Variants in FRMD4B observed in about 807,000 individuals in gnomAD.
FRMD4B encodes the protein FERM domain containing 4B.
In FRMD4B, 74 loss-of-function variants were observed where a neutral mutation model predicts 141.5. That is an observed-to-expected ratio of 0.52 (90% confidence interval 0.43 to 0.63). The LOEUF (loss-of-function observed/expected upper bound fraction) is 0.63. Ranked by LOEUF, FRMD4B falls within the 30% of genes least tolerant of loss-of-function variation. The pLI is 0.00. For synonymous variants in FRMD4B, 506 were observed against 467.9 expected (o/e 1.08, Z -1.05); for missense variants, 1,366 against 1,253.4 (o/e 1.09, Z -1.36).
intron 22 of FRMD4B, among the ~76,000 whole-genome samples, chr3:69,173,592 G>C (rs1173763236): frequency 6.6e-6 from 1 of 152,102 alleles, no homozygotes. Flanking sequence ...ATGAATGATT[G>C]TTATTATCCT....
intron 2 of FRMD4B, among the ~76,000 whole-genome samples, chr3:69,415,694 A>G (rs1367848830): frequency 1.3e-5 from 2 of 152,144 alleles, no homozygotes; most frequent in African/African-American, 2.4e-5. Context: ...ATTTTCTTTG[A>G]CTTACTTTAG....
At chr3:69,200,055 T>G (rs1317717472) in intron 11 of FRMD4B, among the ~76,000 whole-genome samples, 3 of 152,218 alleles carry the variant, frequency 2.0e-5, no homozygotes, top group African/African-American at 4.8e-5. Context: ...TCTTAAAAGA[T>G]TATTTTTAAT....
chr3:69,259,682 T>A (rs899637270), intron 5 of FRMD4B, among the ~76,000 whole-genome samples: 14 of 152,270 alleles, frequency 9.2e-5, no homozygotes, highest in African/African-American at 3.1e-4. Flanking sequence ...TAATTTTCCA[T>A]ATGAATCTTT....
Position 69,355,524 on chromosome 3 carries a change from T to C in FRMD4B, c.162+30304A>G, listed in dbSNP as rs115106295. 4.5e-3 allele frequency among the ~76,000 whole-genome samples: 690 copies of C among 152,286 alleles called. 7 individuals are homozygous for C. Among genetic ancestry groups the C allele is most frequent in the African/African-American group, 0.016 (648 of 41,558 alleles). On this transcript the variant is annotated intron_variant, in intron 1 of 22. Coordinates refer to ENST00000398540, the MANE Select transcript of FRMD4B (RefSeq NM_015123.3). Reference sequence around the variant, plus strand: ...AACTAGTGGGACATTTCTGATTGTATGGTAAAAATGTTTTCACTGTTGAAG... The same window carrying C: ...AACTAGTGGGACATTTCTGATTGTACGGTAAAAATGTTTTCACTGTTGAAG...
intron 2 of FRMD4B, among the ~76,000 whole-genome samples, chr3:69,408,480 A>G (rs947635345): frequency 1.3e-5 from 2 of 152,220 alleles, no homozygotes; most frequent in Non-Finnish European, 2.9e-5. Context: ...TCTCCACAGA[A>G]CACTTAATCC....
intron 1 of FRMD4B, among the ~76,000 whole-genome samples, chr3:69,339,456 T>C (rs542304216): frequency 6.6e-6 from 1 of 152,244 alleles, no homozygotes; most frequent in East Asian, 1.9e-4. Context: ...AATGACAGTA[T>C]CTGCCCCACA....
intron 1 of FRMD4B, among the ~76,000 whole-genome samples, chr3:69,504,118 C>T (rs1458792941): frequency 6.6e-6 from 1 of 152,140 alleles, no homozygotes; most frequent in Non-Finnish European, 1.5e-5. Flanking sequence ...TCTTCTAAAG[C>T]TTATACACAC....
intron 1 of FRMD4B, among the ~76,000 whole-genome samples, chr3:69,354,436 G>A (rs534017126): frequency 2.9e-4 from 44 of 152,234 alleles, no homozygotes; most frequent in African/African-American, 1.0e-3. Context: ...ATTTTGCTCA[G>A]GAGTATGGTA....
intron 21 of FRMD4B, among the ~76,000 whole-genome samples, chr3:69,178,143 G>A (rs765468000): frequency 8.5e-5 from 13 of 152,270 alleles, no homozygotes; most frequent in South Asian, 2.1e-4. Flanking sequence ...CATGATACTC[G>A]TTCAAGACTC....
At chr3:69,451,900 A>C (rs932641880) in intron 1 of FRMD4B, among the ~76,000 whole-genome samples, 1 of 152,246 alleles carries the variant, frequency 6.6e-6, no homozygotes, top group Non-Finnish European at 1.5e-5. Context: ...TGTTGGTCTG[A>C]GATAACATAC....
At chr3:69,297,676 C>G (rs1221930717) in intron 4 of FRMD4B, among the ~76,000 whole-genome samples, 1 of 152,108 alleles carries the variant, frequency 6.6e-6, no homozygotes, top group African/African-American at 2.4e-5. Flanking sequence ...CACTGTCAAG[C>G]CTTTCAAATG....
chr3:69,298,259 T>C (rs72934847), intron 4 of FRMD4B, among the ~76,000 whole-genome samples: 2,345 of 152,348 alleles, frequency 0.015, 66 homozygotes, highest in African/African-American at 0.051. Context: ...TACATTTGCA[T>C]AATGTTTTGC....
rs1475157952 is a variant in FRMD4B at position 69,169,511 on chromosome 3, C to T, written c.*2350G>A. Among the ~76,000 whole-genome samples the T allele has an allele frequency of 6.6e-6, 1 of 152,028 alleles. No individual in the cohort carries two copies. Among genetic ancestry groups the T allele is most frequent in the Non-Finnish European group, 1.5e-5 (1 of 68,020 alleles). On this transcript the variant is annotated 3_prime_UTR_variant, in exon 23 of 23. Transcript: ENST00000398540. ...TAGCTGAGATTACAGGCACACATCA[C>T]CATGACTGGCTAATTTTTGTATTTT...
intron 7 of FRMD4B, among the ~76,000 whole-genome samples, chr3:69,243,190 G>A (rs1326814799): frequency 6.6e-6 from 1 of 152,078 alleles, no homozygotes; most frequent in East Asian, 1.9e-4. Context: ...TAAAGAAAAT[G>A]GAAGTCCCCA....
intron 1 of FRMD4B, among the ~76,000 whole-genome samples, chr3:69,442,210 T>A (rs1705352990): frequency 6.6e-6 from 1 of 151,844 alleles, no homozygotes; most frequent in Admixed American, 6.6e-5. Flanking sequence ...GCCCCCTGAG[T>A]AGCTGGAATT....
intron 2 of FRMD4B, among the ~76,000 whole-genome samples, chr3:69,399,278 G>A (rs1704520707): frequency 6.6e-6 from 1 of 152,154 alleles, no homozygotes; most frequent in Non-Finnish European, 1.5e-5. Flanking sequence ...ACTGCAGAAA[G>A]CTTTAGGGTT....
chr3:69,542,037 G>A (rs1370971850), intron 1 of FRMD4B, among the ~76,000 whole-genome samples: 1 of 152,146 alleles, frequency 6.6e-6, no homozygotes, highest in Non-Finnish European at 1.5e-5. Context: ...TAGACCTCGA[G>A]CCCCAGGGCG....
At chr3:69,218,264 T>C (rs1237568295) in intron 10 of FRMD4B, 58 bp downstream of exon 10, 2 of 811,014 alleles carry the variant, frequency 2.5e-6, no homozygotes, top group Non-Finnish European at 4.2e-6. Flanking sequence ...TGAAAAAAGC[T>C]GGTATTGTGC....
intron 21 of FRMD4B, among the ~76,000 whole-genome samples, chr3:69,180,398 A>T (rs1472995806): frequency 6.6e-6 from 1 of 152,086 alleles, no homozygotes; most frequent in Non-Finnish European, 1.5e-5. Context: ...TTAGATGATC[A>T]ATCTTGGTGG....
Sources: gnomAD v4.1 joint callset for allele counts (sites outside exome capture counted in the v4.1 genomes callset) on GRCh38, gnomAD v4.1.1 for gene constraint, MANE v1.5 for transcripts, NCBI Gene and HGNC (gene_info 2026-07-23, HGNC 2026-07-21) for gene names.